Variants in ICA1 observed in about 807,000 individuals in gnomAD.
ICA1 encodes the protein 69 kDa islet cell autoantigen.
Under a neutral mutation model 71.0 loss-of-function variants are expected in ICA1, and 40 were observed. The ratio of observed to expected loss-of-function variants is 0.56; its 90% CI spans 0.44 to 0.73. ICA1 has a LOEUF of 0.73. Among genes scored for constraint, ICA1 ranks in the 30% least tolerant of loss-of-function variants. The pLI is 0.00. For synonymous variants in ICA1, 207 were observed against 209.5 expected (o/e 0.99, Z 0.10); for missense variants, 578 against 576.5 (o/e 1.00, Z -0.03).
chr7:8,128,347 T>A (rs895120008), intron 12 of ICA1, among the ~76,000 whole-genome samples: 1 of 152,226 alleles, frequency 6.6e-6, no homozygotes, highest in African/African-American at 2.4e-5. Flanking sequence ...TTGTCCCCTG[T>A]CCTCCAAAGC....
intron 6 of ICA1, among the ~76,000 whole-genome samples, chr7:8,207,050 A>G (rs1334219480): frequency 2.0e-5 from 3 of 152,162 alleles, no homozygotes; most frequent in Non-Finnish European, 4.4e-5. Flanking sequence ...TCATCCCTCA[A>G]TTTGTTTATA....
intron 3 of ICA1, among the ~76,000 whole-genome samples, chr7:8,229,143 C>T (rs1799498995): frequency 6.6e-6 from 1 of 152,082 alleles, no homozygotes; most frequent in South Asian, 2.1e-4. Flanking sequence ...TTATGGCATG[C>T]TTAAACAACT....
Position 8,166,550 on chromosome 7 carries a change from A to G in ICA1, c.580-7898T>C, listed in dbSNP as rs572014924. ...AAAACTATGAAAACATTGAAAGATAACCTGGGACAAACCATTCTGGACTAG... is the reference window on the plus strand; with the variant it reads ...AAAACTATGAAAACATTGAAAGATAGCCTGGGACAAACCATTCTGGACTAG... On this transcript the variant is annotated intron_variant, in intron 6 of 13. Transcript: ENST00000402384. 9.2e-5 allele frequency among the ~76,000 whole-genome samples: 14 copies of G among 152,218 alleles called. No homozygotes were observed. In the South Asian group the frequency reaches 1.9e-3, roughly 20 times the overall value.
At chr7:8,152,669 C>CACCACA (rs1562701213) in intron 8 of ICA1, among the ~76,000 whole-genome samples, 70 of 49,674 alleles carry the variant, frequency 1.4e-3, no homozygotes, top group East Asian at 3.4e-3. Flanking sequence ...CCACCACCAC[C>CACCACA]ATTATCTCCT....
At chr7:8,133,512 G>C (rs963912582) in intron 12 of ICA1, among the ~76,000 whole-genome samples, 1 of 152,202 alleles carries the variant, frequency 6.6e-6, no homozygotes, top group Non-Finnish European at 1.5e-5. Flanking sequence ...ATCTCCCAAA[G>C]TGCTAGGATT....
At chr7:8,216,211 G>A (rs1317699141) in intron 6 of ICA1, among the ~76,000 whole-genome samples, 2 of 152,194 alleles carry the variant, frequency 1.3e-5, no homozygotes, top group African/African-American at 4.8e-5. Flanking sequence ...CATCTGTTAT[G>A]TATGTGCTCA....
intron 13 of ICA1, among the ~76,000 whole-genome samples, chr7:8,117,840 A>G (rs1322765094): frequency 6.6e-6 from 1 of 152,192 alleles, no homozygotes; most frequent in Non-Finnish European, 1.5e-5. Flanking sequence ...AAAGTATAGG[A>G]TTTAATGCCA....
intron 1 of ICA1, among the ~76,000 whole-genome samples, chr7:8,246,509 G>A (rs62433203): frequency 6.6e-6 from 1 of 152,182 alleles, no homozygotes. Context: ...CTTCTTAGGT[G>A]ACACTGAGAC....
At chr7:8,143,018 T>C (rs1354046586) in intron 9 of ICA1, among the ~76,000 whole-genome samples, 1 of 152,236 alleles carries the variant, frequency 6.6e-6, no homozygotes, top group East Asian at 1.9e-4. Context: ...AGAAATACAA[T>C]AAAAGTATAA....
intron 13 of ICA1, among the ~76,000 whole-genome samples, chr7:8,119,548 T>G (rs1267887791): frequency 6.6e-6 from 1 of 152,218 alleles, no homozygotes; most frequent in African/African-American, 2.4e-5. Flanking sequence ...CAAGTCATAC[T>G]TTAAAAGAAG....
rs1211245392 is a variant in ICA1, at chr7:8,144,437, A to T, written c.805-465T>A. Among the ~76,000 whole-genome samples the T allele has an allele frequency of 6.6e-6, 1 of 152,208 alleles. No individual in the cohort carries two copies. Among genetic ancestry groups the T allele is most frequent in the East Asian group, 1.9e-4 (1 of 5,206 alleles). ...TTTTGTTTGCTATTTTGCAATCTAAAACCCAGTTTTAAAAAATAACAGAAA... is the reference window on the plus strand; with the variant it reads ...TTTTGTTTGCTATTTTGCAATCTAATACCCAGTTTTAAAAAATAACAGAAA... On this transcript the variant is annotated intron_variant, in intron 8 of 13. Transcript: ENST00000402384. This position sits in a 1 kb window ranked among gnomAD's most constrained non-coding sequence, Gnocchi z 4.5.
At chr7:8,188,591 G>T (rs1784591588) in intron 6 of ICA1, among the ~76,000 whole-genome samples, 1 of 152,128 alleles carries the variant, frequency 6.6e-6, no homozygotes, top group Admixed American at 6.5e-5. Flanking sequence ...GCCTAGAAGG[G>T]ATTTTTGGTA....
chr7:8,215,170 C>T (rs376605548), intron 6 of ICA1, among the ~76,000 whole-genome samples: 56 of 152,284 alleles, frequency 3.7e-4, no homozygotes, highest in South Asian at 8.3e-4. Context: ...CCCCTTAGAG[C>T]GGTGTCTTTT....
intron 1 of ICA1, among the ~76,000 whole-genome samples, chr7:8,251,171 A>G (rs1171329990): frequency 1.3e-5 from 2 of 152,276 alleles, no homozygotes; most frequent in South Asian, 4.1e-4. Context: ...TACAGGCATG[A>G]GCCACTGTGC....
chr7:8,127,850 A>T, intron 13 of ICA1, 23 bp downstream of exon 13: 3 of 1,565,136 alleles, frequency 1.9e-6, no homozygotes, highest in Non-Finnish European at 2.6e-6. Flanking sequence ...AAAAAACCCC[A>T]TTTCAATCCC....
At chr7:8,203,851 T>C (rs904874109) in intron 6 of ICA1, among the ~76,000 whole-genome samples, 1 of 152,194 alleles carries the variant, frequency 6.6e-6, no homozygotes, top group Non-Finnish European at 1.5e-5. Flanking sequence ...CTGGCCTTTG[T>C]GATGTCTACT....
At position 8,188,018 on chromosome 7, in the gene ICA1, A is replaced by T. The variant is rs1213885763; in HGVS notation, c.580-29366T>A. ...AGTGGGGAAGCCACAGTTTGAACCCAGGAGATGCTCACTGCAGAGACTGAG... is the reference window on the plus strand; with the variant it reads ...AGTGGGGAAGCCACAGTTTGAACCCTGGAGATGCTCACTGCAGAGACTGAG... On this transcript the variant is annotated intron_variant, in intron 6 of 13. Coordinates refer to ENST00000402384, the MANE Select transcript of ICA1 (RefSeq NM_001136020.3). 3.9e-5 allele frequency among the ~76,000 whole-genome samples: 6 copies of T among 152,236 alleles called. No homozygotes were observed. The East Asian group carries it at 1.2e-3, about 29-fold the overall frequency.
chr7:8,205,971 CCT>C (rs977507666), intron 6 of ICA1, among the ~76,000 whole-genome samples: 33 of 152,110 alleles, frequency 2.2e-4, no homozygotes, highest in African/African-American at 7.7e-4. Flanking sequence ...GAGATGGTTC[CCT>C]CTCAAATAGC....
intron 5 of ICA1, among the ~76,000 whole-genome samples, chr7:8,219,160 G>A (rs1188334231): frequency 6.6e-6 from 1 of 152,086 alleles, no homozygotes; most frequent in Non-Finnish European, 1.5e-5. Flanking sequence ...TATAATGTTG[G>A]CTATAACATA....
Sources: allele counts gnomAD v4.1 joint callset (sites outside exome capture counted in the v4.1 genomes callset), GRCh38; gene constraint gnomAD v4.1.1; non-coding constraint Gnocchi (gnomAD v3.1); transcripts MANE v1.5; gene names NCBI Gene and HGNC (gene_info 2026-07-23, HGNC 2026-07-21).